NPAS3: variants seen among roughly 807,000 people sequenced by gnomAD.
The protein encoded by NPAS3 is neuronal PAS domain protein 3.
A neutral mutation model predicts 73.1 loss-of-function variants in NPAS3; 14 were observed. That is an observed-to-expected ratio of 0.19 (90% CI 0.13 to 0.30). The LOEUF (loss-of-function observed/expected upper bound fraction) is 0.30, where lower values mean the gene tolerates loss of function less well. Ranked by LOEUF, NPAS3 falls within the 10% of genes least tolerant of loss-of-function variation. NPAS3 has a pLI of 1.00. For synonymous variants in NPAS3, 620 were observed against 541.5 expected (o/e 1.14, Z -2.01); for missense variants, 1,096 against 1,250.0 (o/e 0.88, Z 1.86).
intron 1 of NPAS3, among the ~76,000 whole-genome samples, chr14:33,019,469 A>C (rs1284883296): frequency 2.0e-5 from 3 of 152,148 alleles, no homozygotes; most frequent in African/African-American, 4.8e-5. Flanking sequence ...GCTTTCTGAC[A>C]GTAGCCTATG....
At chr14:32,967,075 G>A (rs2037205685) in intron 1 of NPAS3, among the ~76,000 whole-genome samples, 1 of 152,024 alleles carries the variant, frequency 6.6e-6, no homozygotes, top group Non-Finnish European at 1.5e-5. Context: ...TGAAAAACAT[G>A]GATTTGAACT....
At chr14:33,281,917 G>A (rs1171218159) in intron 3 of NPAS3, among the ~76,000 whole-genome samples, 1 of 152,164 alleles carries the variant, frequency 6.6e-6, no homozygotes, top group Non-Finnish European at 1.5e-5. Context: ...TCGTTTGTGA[G>A]TATGGGGTAA....
At chr14:33,621,379 T>C (rs2058070397) in intron 5 of NPAS3, among the ~76,000 whole-genome samples, 1 of 152,194 alleles carries the variant, frequency 6.6e-6, no homozygotes, top group South Asian at 2.1e-4. Context: ...GTAAAAATCA[T>C]ATTAGATGAG....
chr14:33,801,404 T>C (rs1047569953), downstream of NPAS3: 2 of 446,398 alleles, frequency 4.5e-6, no homozygotes, highest in Non-Finnish European at 4.0e-6. Flanking sequence ...ATGTCTTTCA[T>C]GTGTATATGC....
At chr14:33,088,620 G>A (rs572511876) in intron 2 of NPAS3, among the ~76,000 whole-genome samples, 3 of 152,330 alleles carry the variant, frequency 2.0e-5, no homozygotes, top group African/African-American at 7.2e-5. Context: ...CCAAACAAAA[G>A]GCAGCAGAAA....
downstream of NPAS3, chr14:33,801,649 G>A (rs924188071): frequency 6.6e-6 from 1 of 152,118 alleles, no homozygotes; most frequent in Non-Finnish European, 1.5e-5. Flanking sequence ...CTCTTTTTAC[G>A]GTTAAGATTT....
chr14:33,691,226 A>G (rs2060228544), intron 6 of NPAS3, among the ~76,000 whole-genome samples: 1 of 152,216 alleles, frequency 6.6e-6, no homozygotes, highest in Non-Finnish European at 1.5e-5. Context: ...AATTGCTGGT[A>G]TTTGGGCCTT....
intron 4 of NPAS3, among the ~76,000 whole-genome samples, chr14:33,465,719 G>C (rs183608563): frequency 6.6e-6 from 1 of 151,910 alleles, no homozygotes; most frequent in Non-Finnish European, 1.5e-5. Flanking sequence ...TGGCCATTAC[G>C]CTCTTTTATT....
intron 3 of NPAS3, among the ~76,000 whole-genome samples, chr14:33,325,387 A>T (rs1287526311): frequency 6.6e-6 from 1 of 152,128 alleles, no homozygotes; most frequent in African/African-American, 2.4e-5. Context: ...CACGCCTGTA[A>T]TCCCAATCAA....
At chr14:33,287,423 G>A (rs1475499070) in intron 3 of NPAS3, among the ~76,000 whole-genome samples, 2 of 151,998 alleles carry the variant, frequency 1.3e-5, no homozygotes, top group Non-Finnish European at 2.9e-5. Flanking sequence ...AGGTGGGGGT[G>A]TGAGCAACTG....
intron 7 of NPAS3, among the ~76,000 whole-genome samples, chr14:33,760,904 T>C (rs529605999): frequency 4.2e-4 from 64 of 152,330 alleles, no homozygotes; most frequent in Admixed American, 3.9e-4. Flanking sequence ...TTAATTATGA[T>C]AGATTTGGAG....
intron 2 of NPAS3, among the ~76,000 whole-genome samples, chr14:33,095,645 G>T (rs1195448352): frequency 6.7e-6 from 1 of 149,666 alleles, no homozygotes; most frequent in Non-Finnish European, 1.5e-5. Context: ...ACAAAGGCGT[G>T]GGCATTCTCT....
At chr14:33,508,349 G>C (rs1018411647) in intron 4 of NPAS3, among the ~76,000 whole-genome samples, 1 of 152,020 alleles carries the variant, frequency 6.6e-6, no homozygotes, top group East Asian at 1.9e-4. Context: ...GTGAAGCCTG[G>C]ATTTTCCTCA....
At chr14:33,000,335 A>T (rs1471420576) in intron 1 of NPAS3, among the ~76,000 whole-genome samples, 1 of 152,214 alleles carries the variant, frequency 6.6e-6, no homozygotes, top group Non-Finnish European at 1.5e-5. Context: ...ATGCCGACTA[A>T]GTGTGGCAGG....
At chr14:33,412,356 G>A (rs2047966224) in intron 4 of NPAS3, among the ~76,000 whole-genome samples, 1 of 152,116 alleles carries the variant, frequency 6.6e-6, no homozygotes, top group Non-Finnish European at 1.5e-5. Context: ...TGGAGCTCAA[G>A]TTACCTGCCC....
At chr14:33,175,709 T>A (rs1473145253) in intron 2 of NPAS3, among the ~76,000 whole-genome samples, 1 of 152,178 alleles carries the variant, frequency 6.6e-6, no homozygotes, top group African/African-American at 2.4e-5. Context: ...GCCTTGGGCT[T>A]ATTGAGATTT....
chr14:33,316,391 T>A (rs780577650), intron 3 of NPAS3, among the ~76,000 whole-genome samples: 7 of 152,218 alleles, frequency 4.6e-5, no homozygotes, highest in Non-Finnish European at 8.8e-5. Flanking sequence ...TCAGTTTGGC[T>A]GTGCAAGAAG....
At chr14:33,545,747 C>G (rs1236597264) in intron 4 of NPAS3, among the ~76,000 whole-genome samples, 1 of 152,200 alleles carries the variant, frequency 6.6e-6, no homozygotes, top group Non-Finnish European at 1.5e-5. Flanking sequence ...CCCTCTGAAT[C>G]TGACCAGGGA....
chr14:32,965,930 G>T (rs960055835), intron 1 of NPAS3, among the ~76,000 whole-genome samples: 33 of 151,940 alleles, frequency 2.2e-4, no homozygotes, highest in African/African-American at 8.0e-4. Flanking sequence ...CAAACTATCT[G>T]AAAAAGAAAG....
Sources: allele counts gnomAD v4.1 joint callset (sites outside exome capture counted in the v4.1 genomes callset), GRCh38; gene constraint gnomAD v4.1.1; transcripts MANE v1.5; gene names NCBI Gene and HGNC (gene_info 2026-07-23, HGNC 2026-07-21).